Variants in ZNF432 observed in about 807,000 individuals in gnomAD.
The protein encoded by ZNF432 is zinc finger protein 432.
In ZNF432, 10 loss-of-function variants were observed where a neutral mutation model predicts 13.9. The ratio of observed to expected loss-of-function variants is 0.72; its 90% CI spans 0.44 to 1.22. The LOEUF is 1.22. Ranked by LOEUF, ZNF432 falls within the 50% of genes most tolerant of loss-of-function variation. ZNF432 has a pLI of 0.00. For synonymous variants in ZNF432, 247 were observed against 256.2 expected (o/e 0.96, Z 0.34); for missense variants, 793 against 796.2 (o/e 1.00, Z 0.05).
chr19:52,048,182 C>A (rs995003788), intron 1 of ZNF432, among the ~76,000 whole-genome samples: 54 of 146,304 alleles, frequency 3.7e-4, no homozygotes, highest in African/African-American at 1.2e-3. Flanking sequence ...CACACACACA[C>A]AAAACCAGCC....
At position 52,048,821 on chromosome 19, in the gene ZNF432, C is replaced by T. The variant is rs1039959604; in HGVS notation, c.-319G>A. The T allele has an allele frequency of 6.6e-6, 1 of 152,348 alleles. No individual in the cohort carries two copies. Among genetic ancestry groups the T allele is most frequent in the Non-Finnish European group, 1.5e-5 (1 of 68,082 alleles). 9.4% of individuals were successfully genotyped at this position (152,348 alleles called of 1,614,324 possible). ...CCTCCAGAGACGGTCAGCCGCGTTT[C>T]CATGGAGAGCGGAATGCGGCCTTCC... On this transcript the variant is annotated 5_prime_UTR_variant, in exon 1 of 5. Transcript: ENST00000221315.
chr19:52,048,180 C>CAAAAAAAAAAAA (rs986523452), intron 1 of ZNF432, among the ~76,000 whole-genome samples: 1 of 145,858 alleles, frequency 6.9e-6, no homozygotes, highest in African/African-American at 2.7e-5. Flanking sequence ...CACACACACA[C>CAAAAAAAAAAAA]ACAAAACCAG....
chr19:52,040,631 G>T (rs750951991), intron 3 of ZNF432, 48 bp from the exon 4 acceptor site: 20 of 1,473,010 alleles, frequency 1.4e-5, no homozygotes, highest in Non-Finnish European at 1.9e-5. Flanking sequence ...TTGGGCTGGG[G>T]TATGTAATGT....
At chr19:52,044,698 T>A (rs2087165711) in intron 2 of ZNF432, among the ~76,000 whole-genome samples, 1 of 152,198 alleles carries the variant, frequency 6.6e-6, no homozygotes, top group Non-Finnish European at 1.5e-5. Context: ...AATTGTATAA[T>A]TTGATAATGT....
Position 52,041,625 on chromosome 19 carries a change from T to A in ZNF432, c.16-19A>T. On this transcript the variant is annotated intron_variant, in intron 2 of 4. Transcript: ENST00000221315. ...GCAATTCCTGTAAGAAAACAGAGCC[T>A]TGCTTAATAGGAAGTGTTTCTCTTT... 6.2e-7 allele frequency: 1 copy of A among 1,614,002 alleles called. No individual in the cohort carries two copies. Among genetic ancestry groups the A allele is most frequent in the Non-Finnish European group, 8.5e-7 (1 of 1,179,942 alleles).
chr19:52,045,922 GA>G (rs2087177041), intron 2 of ZNF432, among the ~76,000 whole-genome samples: 1 of 149,468 alleles, frequency 6.7e-6, no homozygotes, highest in Admixed American at 6.7e-5. Flanking sequence ...TTGAACCCAG[GA>G]CGTGGAGGTT....
rs774567773 is a variant in ZNF432, at chr19:52,035,357, T to C, written c.322A>G (p.Asn108Asp). The C allele has an allele frequency of 1.9e-6, 3 of 1,611,782 alleles. No homozygotes were observed. The South Asian group carries it at 3.3e-5, about 18-fold the overall frequency. ...LKSVEQYHEH[N>D]AFGNTASQTK... ...TGAGAGGCAGTATTTCCAAATGCATTATGTTCATGGTATTGTTCCACACTC... is the reference window on the plus strand; with the variant it reads ...TGAGAGGCAGTATTTCCAAATGCATCATGTTCATGGTATTGTTCCACACTC... The change falls in exon 5 of 5, where the codon AAT (asparagine) becomes GAT (aspartate). Residue 108 changes from asparagine (N) to aspartate (D), a missense_variant. Transcript: ENST00000221315.
intron 1 of ZNF432, among the ~76,000 whole-genome samples, chr19:52,048,178 C>CAAAAAAAA (rs1446041557): frequency 6.9e-6 from 1 of 143,930 alleles, no homozygotes; most frequent in African/African-American, 2.8e-5. Context: ...CACACACACA[C>CAAAAAAAA]ACACAAAACC....
rs2087068619 is a variant in ZNF432 at position 52,035,301 on chromosome 19, A to T, written c.378T>A (p.Asn126Lys). The T allele has an allele frequency of 1.9e-6, 3 of 1,611,538 alleles. No individual in the cohort carries two copies. In the South Asian group the frequency reaches 3.3e-5, roughly 18 times the overall value. The part of the protein sequence containing the change: ...QTKSLCLFRE[N>K]HDTFELYIKT... ...TTATATATAACTCAAATGTATCATG[A>T]TTTTCCCTGAAAAGACAAAGGCTTT... is the stretch of plus-strand genomic sequence containing the variant. Residue 126 changes from asparagine (N) to lysine (K), a missense_variant, in exon 5 of 5, where the codon AAT becomes AAA. By Grantham distance (94) the Asn-to-Lys change is moderately conservative (BLOSUM62 0). Coordinates refer to ENST00000221315, the MANE Select transcript of ZNF432 (RefSeq NM_014650.4).
In ZNF432 at chr19:52,041,482, A is replaced by G; in HGVS notation, c.140T>C (p.Met47Thr). 6.2e-7 allele frequency: 1 copy of G among 1,601,614 alleles called. No homozygotes were observed. The highest frequency in any genetic ancestry group is 8.5e-7 in the Non-Finnish European group (1 of 1,173,344). Residue 47 changes from methionine (M) to threonine (T), a missense_variant and splice_region_variant, in exon 3 of 5, where the codon ATG becomes ACG. Coordinates refer to ENST00000221315, the MANE Select transcript of ZNF432 (RefSeq NM_014650.4). ...TGACACAGAGCAGCTGTCCTCACCC[A>G]TTGATAGCAGGTTGCTGTAGATCTC... is the stretch of plus-strand genomic sequence containing the variant. ...MLEIYSNLLS[M>T]GYQVSKPDAL...
At chr19:52,043,326 G>A (rs7247339) in intron 2 of ZNF432, among the ~76,000 whole-genome samples, 24,017 of 152,094 alleles carry the variant, frequency 0.16, 2,215 homozygotes, top group South Asian at 0.3. Context: ...GATTAAGGGC[G>A]GTGCAAGATG....
chr19:52,036,952 T>C (rs976324398), intron 4 of ZNF432, among the ~76,000 whole-genome samples: 1 of 152,126 alleles, frequency 6.6e-6, no homozygotes, highest in Non-Finnish European at 1.5e-5. Flanking sequence ...ACTATAGGTG[T>C]GAGCCAAGGC....
At chr19:52,045,020 A>C (rs897409427) in intron 2 of ZNF432, among the ~76,000 whole-genome samples, 4 of 152,118 alleles carry the variant, frequency 2.6e-5, no homozygotes, top group African/African-American at 7.2e-5. Context: ...AAAATGCAAA[A>C]AATTCTCATT....
Position 52,041,469 on chromosome 19 carries a change from G to A in ZNF432, c.142+11C>T, listed in dbSNP as rs1218735030. 2 of 1,586,234 alleles carry A rather than the reference G, an allele frequency of 1.3e-6. No individual in the cohort carries two copies. The highest frequency in any genetic ancestry group is 2.7e-5 in the African/African-American group (2 of 73,970). On this transcript the variant is annotated intron_variant, in intron 3 of 4. Transcript: ENST00000221315. ...GGCACCCTCCAGGTGACACAGAGCAGCTGTCCTCACCCATTGATAGCAGGT... is the reference window on the plus strand; with the variant it reads ...GGCACCCTCCAGGTGACACAGAGCAACTGTCCTCACCCATTGATAGCAGGT...
chr19:52,035,840 T>G (rs1288812749), intron 4 of ZNF432, among the ~76,000 whole-genome samples: 1 of 152,186 alleles, frequency 6.6e-6, no homozygotes, highest in African/African-American at 2.4e-5. Context: ...GCCAGGTGTT[T>G]TTAAATATCG....
chr19:52,037,725 G>C (rs1218495672), intron 4 of ZNF432, among the ~76,000 whole-genome samples: 3 of 150,676 alleles, frequency 2.0e-5, no homozygotes, highest in Admixed American at 6.6e-5. Context: ...AGGAGGTTGA[G>C]GCTGCAGTGA....
At position 52,039,132 on chromosome 19, in the gene ZNF432, G is replaced by A. The variant is rs748802488; in HGVS notation, c.238+1356C>T. Among the ~76,000 whole-genome samples, 83 of 152,256 alleles carry A rather than the reference G, an allele frequency of 5.5e-4. 1 individual carries two copies. The highest frequency in any genetic ancestry group is 6.8e-4 in the Non-Finnish European group (46 of 68,050). ...CTGTCACACACTGTGTGGCTGGGAA[G>A]AGATGTAACATCCACAGTGAGAGGA... On this transcript the variant is annotated intron_variant, in intron 4 of 4. Transcript: ENST00000221315.
At chr19:52,041,455 G>A in intron 3 of ZNF432, 25 bp downstream of exon 3, 1 of 1,570,650 alleles carries the variant, frequency 6.4e-7, no homozygotes, top group East Asian at 2.3e-5. Flanking sequence ...GCACCCTCCA[G>A]GTGACACAGA....
chr19:52,033,662 T>C lies in ZNF432; in HGVS notation c.*58A>G. On this transcript the variant is annotated 3_prime_UTR_variant, in exon 5 of 5. Coordinates refer to ENST00000221315, the MANE Select transcript of ZNF432 (RefSeq NM_014650.4). ...TGTAGAAAATCTATACTGTGAAATCTCTGATGTTGTACAAGGCAGATTTTC... is the reference window on the plus strand; with the variant it reads ...TGTAGAAAATCTATACTGTGAAATCCCTGATGTTGTACAAGGCAGATTTTC... The C allele has an allele frequency of 1.3e-6, 2 of 1,512,228 alleles. No individual in the cohort carries two copies. The highest frequency in any genetic ancestry group is 1.4e-5 in the South Asian group (1 of 73,540). 93.7% of individuals were successfully genotyped at this position (1,512,228 alleles called of 1,614,324 possible).
Sources: gnomAD v4.1 joint callset for allele counts (sites outside exome capture counted in the v4.1 genomes callset) on GRCh38, gnomAD v4.1.1 for gene constraint, MANE v1.5 for transcripts, NCBI Gene and HGNC (gene_info 2026-07-23, HGNC 2026-07-21) for gene names.